ST6GALNAC3: variants seen among roughly 807,000 people sequenced by gnomAD.
ST6GALNAC3 encodes ST6 N-acetylgalactosaminide alpha-2,6-sialyltransferase 3.
In ST6GALNAC3, 25 loss-of-function variants were observed where a neutral mutation model predicts 32.7. That is an observed-to-expected ratio of 0.76 (90% CI 0.56 to 1.07). The LOEUF is 1.07. ST6GALNAC3 is among the 50% of genes least tolerant of loss of function. The probability of loss-of-function intolerance (pLI) is 0.00; values close to 1 mark genes in which losing one functional copy is unlikely to be tolerated. For missense variants in ST6GALNAC3, 355 were observed against 382.4 expected (o/e 0.93, Z 0.60); for synonymous variants, 129 against 133.1 (o/e 0.97, Z 0.21).
At chr1:76,387,250 G>A (rs549325018) in intron 2 of ST6GALNAC3, among the ~76,000 whole-genome samples, 18 of 151,932 alleles carry the variant, frequency 1.2e-4, no homozygotes, top group African/African-American at 3.4e-4. Context: ...CTTCCCTCTC[G>A]GCACTAAATG....
intron 3 of ST6GALNAC3, among the ~76,000 whole-genome samples, chr1:76,514,534 G>A (rs928174268): frequency 6.6e-6 from 1 of 152,110 alleles, no homozygotes; most frequent in Non-Finnish European, 1.5e-5. Flanking sequence ...TCTCTCAGGA[G>A]TGGACTGGTT....
chr1:76,440,451 G>A (rs1656494908), intron 3 of ST6GALNAC3, among the ~76,000 whole-genome samples: 1 of 152,248 alleles, frequency 6.6e-6, no homozygotes, highest in Admixed American at 6.5e-5. Context: ...ATGGGGACAT[G>A]CTGTCCATGT....
At chr1:76,152,593 G>T (rs953289002) in intron 1 of ST6GALNAC3, among the ~76,000 whole-genome samples, 10 of 152,212 alleles carry the variant, frequency 6.6e-5, no homozygotes, top group Non-Finnish European at 1.0e-4. Flanking sequence ...TTCCCAGGAG[G>T]CTGTGCCAAG....
rs1475566381 is a variant in ST6GALNAC3, at chr1:76,074,912, G to A, written c.18+28G>A. On this transcript the variant is annotated intron_variant, in intron 1 of 4. Transcript: ENST00000328299. ...AACGACTTGGATCTGTGGCTCGGAC[G>A]CGTGGTTGGCCAGCCCCTTGCTGCT... 9 of 1,581,218 alleles carry A rather than the reference G, an allele frequency of 5.7e-6. No individual in the cohort carries two copies. The East Asian group carries it at 2.1e-4, about 37-fold the overall frequency.
intron 3 of ST6GALNAC3, among the ~76,000 whole-genome samples, chr1:76,417,193 CTGG>C (rs1160725908): frequency 1.4e-5 from 2 of 147,770 alleles, no homozygotes; most frequent in East Asian, 3.9e-4. Flanking sequence ...TCTTTATCTT[CTGG>C]GGCCCAGTTG....
intron 1 of ST6GALNAC3, among the ~76,000 whole-genome samples, chr1:76,157,397 A>G (rs1651523268): frequency 6.6e-6 from 1 of 152,156 alleles, no homozygotes; most frequent in Admixed American, 6.5e-5. Flanking sequence ...TTAGTTGTTC[A>G]ATTCCAGTAT....
At chr1:76,608,394 G>A (rs1327857783) in intron 3 of ST6GALNAC3, among the ~76,000 whole-genome samples, 3 of 152,128 alleles carry the variant, frequency 2.0e-5, no homozygotes, top group African/African-American at 4.8e-5. Context: ...GCAGTCTAAC[G>A]GGAGGAGAAA....
chr1:76,096,242 G>C, intron 1 of ST6GALNAC3, among the ~76,000 whole-genome samples: 1 of 152,314 alleles, frequency 6.6e-6, no homozygotes, highest in East Asian at 1.9e-4. Flanking sequence ...TGTTTTCAGA[G>C]AGGCAAGGGT....
intron 1 of ST6GALNAC3, among the ~76,000 whole-genome samples, chr1:76,293,804 A>G (rs1660230015): frequency 6.6e-6 from 1 of 152,184 alleles, no homozygotes; most frequent in South Asian, 2.1e-4. Context: ...ATAAAGCTTT[A>G]AAACAGGCTA....
At chr1:76,176,942 G>T (rs556823434) in intron 1 of ST6GALNAC3, among the ~76,000 whole-genome samples, 2 of 152,308 alleles carry the variant, frequency 1.3e-5, no homozygotes, top group Admixed American at 1.3e-4. Flanking sequence ...TGGTGCAGTG[G>T]CTTGAGCCTG....
At chr1:76,156,604 C>G (rs1358564514) in intron 1 of ST6GALNAC3, among the ~76,000 whole-genome samples, 1 of 152,020 alleles carries the variant, frequency 6.6e-6, no homozygotes. Context: ...TGACACACCC[C>G]CATCATTGCG....
At chr1:76,284,428 G>A (rs1428038855) in intron 1 of ST6GALNAC3, among the ~76,000 whole-genome samples, 1 of 152,142 alleles carries the variant, frequency 6.6e-6, no homozygotes, top group Non-Finnish European at 1.5e-5. Flanking sequence ...AAGTATGAAT[G>A]AACAGGTGGA....
chr1:76,537,277 A>G (rs1377451575), intron 3 of ST6GALNAC3, among the ~76,000 whole-genome samples: 1 of 152,182 alleles, frequency 6.6e-6, no homozygotes, highest in East Asian at 1.9e-4. Context: ...TAAAACCAAT[A>G]AAAACAAAGA....
At chr1:76,453,659 A>G (rs571536743) in intron 3 of ST6GALNAC3, among the ~76,000 whole-genome samples, 177 of 151,962 alleles carry the variant, frequency 1.2e-3, no homozygotes, top group Admixed American at 3.9e-3. Flanking sequence ...TATAATTTCA[A>G]TTTTCTTAAA....
chr1:76,183,726 A>G (rs1032709469), intron 1 of ST6GALNAC3, among the ~76,000 whole-genome samples: 1 of 151,746 alleles, frequency 6.6e-6, no homozygotes, highest in East Asian at 1.9e-4. Context: ...TTGTGACACA[A>G]TGGTAAGTAT....
chr1:76,367,507 T>G (rs114777369), intron 2 of ST6GALNAC3, among the ~76,000 whole-genome samples: 1,924 of 152,164 alleles, frequency 0.013, 38 homozygotes, highest in African/African-American at 0.045. Context: ...AGATTCCAAG[T>G]AGAAGCATTG....
At chr1:76,512,480 T>C (rs1661926154) in intron 3 of ST6GALNAC3, among the ~76,000 whole-genome samples, 2 of 152,208 alleles carry the variant, frequency 1.3e-5, no homozygotes, top group Non-Finnish European at 2.9e-5. Flanking sequence ...ATTACACATA[T>C]TTATGGTGTA....
At chr1:76,495,668 C>G (rs1660807404) in intron 3 of ST6GALNAC3, among the ~76,000 whole-genome samples, 1 of 152,048 alleles carries the variant, frequency 6.6e-6, no homozygotes, top group South Asian at 2.1e-4. Context: ...ATAGGTATCT[C>G]ACAGTACTTT....
intron 3 of ST6GALNAC3, among the ~76,000 whole-genome samples, chr1:76,563,152 C>T (rs180912011): frequency 1.4e-3 from 211 of 152,228 alleles, no homozygotes; most frequent in African/African-American, 4.6e-3. Context: ...AAGAATAATG[C>T]GACTGGCACT....
Sources: allele counts gnomAD v4.1 joint callset (sites outside exome capture counted in the v4.1 genomes callset), GRCh38; gene constraint gnomAD v4.1.1; transcripts MANE v1.5; gene names NCBI Gene and HGNC (gene_info 2026-07-23, HGNC 2026-07-21).